FRMD4A: variants seen among roughly 807,000 people sequenced by gnomAD.
The protein encoded by FRMD4A is FERM domain-containing protein 4A.
Under a neutral mutation model 129.1 loss-of-function variants are expected in FRMD4A, and 29 were observed. That is an observed-to-expected ratio of 0.22 (90% CI 0.17 to 0.31). The LOEUF is 0.31. Ranked by LOEUF, FRMD4A falls within the 10% of genes least tolerant of loss-of-function variation. The probability of loss-of-function intolerance (pLI) is 1.00; values close to 1 mark genes in which losing one functional copy is unlikely to be tolerated. For missense variants in FRMD4A, 1,272 were observed against 1,375.8 expected, an observed-to-expected ratio of 0.92 and a Z score of 1.19; for synonymous variants, 634 against 571.6, an observed-to-expected ratio of 1.11 and a Z score of -1.56.
chr10:13,948,955 G>A (rs1032737434), intron 2 of FRMD4A, among the ~76,000 whole-genome samples: 5 of 152,036 alleles, frequency 3.3e-5, no homozygotes, highest in Non-Finnish European at 1.5e-5. Context: ...CAGCCGAGAG[G>A]ATTTTTAATA....
chr10:13,859,890 G>A (rs1271082816), intron 2 of FRMD4A, among the ~76,000 whole-genome samples: 4 of 152,178 alleles, frequency 2.6e-5, no homozygotes, highest in African/African-American at 4.8e-5. Context: ...CCCAAGTCTA[G>A]TGTTGGTCCT....
chr10:14,002,925 C>T (rs1192268024), intron 2 of FRMD4A, among the ~76,000 whole-genome samples: 3 of 152,102 alleles, frequency 2.0e-5, no homozygotes, highest in Non-Finnish European at 4.4e-5. Context: ...GCAAACATGT[C>T]CACGCATGGT....
At chr10:13,838,721 A>G (rs1483175765) in intron 3 of FRMD4A, among the ~76,000 whole-genome samples, 1 of 151,950 alleles carries the variant, frequency 6.6e-6, no homozygotes, top group Non-Finnish European at 1.5e-5. Context: ...TCAAACTTCT[A>G]ACCTCAAGTG....
intron 2 of FRMD4A, among the ~76,000 whole-genome samples, chr10:13,930,899 C>T (rs755820915): frequency 6.6e-6 from 1 of 152,074 alleles, no homozygotes; most frequent in Non-Finnish European, 1.5e-5. Context: ...GTGGTGCCAT[C>T]ACAGCTTACT....
At chr10:14,061,226 A>G (rs1834796643) in intron 2 of FRMD4A, among the ~76,000 whole-genome samples, 1 of 152,114 alleles carries the variant, frequency 6.6e-6, no homozygotes, top group African/African-American at 2.4e-5. Context: ...CGGGTGGACT[A>G]CCTGAGGTCA....
At chr10:14,187,757 TA>T (rs1373929856) in intron 2 of FRMD4A, among the ~76,000 whole-genome samples, 3 of 152,180 alleles carry the variant, frequency 2.0e-5, no homozygotes, top group Middle Eastern at 3.2e-3. Flanking sequence ...AGGAACTCAA[TA>T]AATACTTGGT....
chr10:13,662,757 C>A (rs2082730910), intron 19 of FRMD4A, among the ~76,000 whole-genome samples: 1 of 152,208 alleles, frequency 6.6e-6, no homozygotes, highest in Non-Finnish European at 1.5e-5. Context: ...TGGGAAGCAA[C>A]AGAGGGTGTG....
intron 2 of FRMD4A, among the ~76,000 whole-genome samples, chr10:13,988,616 A>G (rs993464337): frequency 2.0e-5 from 3 of 152,194 alleles, no homozygotes; most frequent in African/African-American, 7.2e-5. Flanking sequence ...ATGGATGGGT[A>G]CATGGATGGA....
At chr10:14,020,601 C>A (rs1391392266) in intron 2 of FRMD4A, among the ~76,000 whole-genome samples, 3 of 152,198 alleles carry the variant, frequency 2.0e-5, no homozygotes, top group Admixed American at 1.3e-4. Context: ...GCCTCTCAAA[C>A]CCCATGGGGC....
Position 14,298,760 on chromosome 10 carries a change from G to A in FRMD4A, c.45+31298C>T, listed in dbSNP as rs561886100. On this transcript the variant is annotated intron_variant, in intron 2 of 24. Coordinates refer to ENST00000357447, the MANE Select transcript of FRMD4A (RefSeq NM_018027.5). The stretch of plus-strand genomic sequence containing the variant: ...AGAAGACAGGGAAGAACAGGAGAAC[G>A]AAGGCCTCCCAAAGGGAAAGCACTG... Among the ~76,000 whole-genome samples, 5 of 152,262 alleles carry A rather than the reference G, an allele frequency of 3.3e-5. No homozygotes were observed. In the South Asian group the frequency reaches 6.2e-4, roughly 19 times the overall value.
chr10:14,035,889 A>T (rs920150518), intron 2 of FRMD4A, among the ~76,000 whole-genome samples: 2 of 152,134 alleles, frequency 1.3e-5, no homozygotes, highest in Non-Finnish European at 1.5e-5. Context: ...CCAAAATACA[A>T]AAATTAGCCA....
chr10:14,159,641 T>C (rs1481444053), intron 2 of FRMD4A, among the ~76,000 whole-genome samples: 1 of 152,114 alleles, frequency 6.6e-6, no homozygotes, highest in Non-Finnish European at 1.5e-5. Context: ...CTAAAGTTTA[T>C]ATGAAATCAC....
At chr10:13,917,436 T>C (rs2097895704) in intron 2 of FRMD4A, among the ~76,000 whole-genome samples, 1 of 152,022 alleles carries the variant, frequency 6.6e-6, no homozygotes, top group South Asian at 2.1e-4. Flanking sequence ...ATTATGGTCA[T>C]GCACCACCAT....
At chr10:13,851,788 C>A (rs527736088) in intron 3 of FRMD4A, among the ~76,000 whole-genome samples, 1 of 151,718 alleles carries the variant, frequency 6.6e-6, no homozygotes, top group African/African-American at 2.4e-5. Flanking sequence ...TAATCCCAGC[C>A]ACTCAGGAGG....
chr10:14,076,450 C>G (rs1277877022), intron 2 of FRMD4A, among the ~76,000 whole-genome samples: 1 of 152,078 alleles, frequency 6.6e-6, no homozygotes, highest in Non-Finnish European at 1.5e-5. Flanking sequence ...ACCATCCTGG[C>G]TAACACAGTG....
At chr10:14,173,692 C>G (rs1027964831) in intron 2 of FRMD4A, among the ~76,000 whole-genome samples, 2 of 152,166 alleles carry the variant, frequency 1.3e-5, no homozygotes, top group African/African-American at 4.8e-5. Context: ...TGCAAACGAA[C>G]AGCTCCGAGG....
intron 2 of FRMD4A, among the ~76,000 whole-genome samples, chr10:14,043,074 T>C (rs957405416): frequency 4.6e-5 from 7 of 152,042 alleles, no homozygotes; most frequent in Non-Finnish European, 7.4e-5. Flanking sequence ...AATGTTCAGA[T>C]CTTCCAGGTG....
chr10:13,840,618 G>A (rs556147701), intron 3 of FRMD4A, among the ~76,000 whole-genome samples: 10 of 149,270 alleles, frequency 6.7e-5, no homozygotes, highest in South Asian at 6.5e-4. Context: ...GTGAAACCCC[G>A]TCTCTACTAA....
chr10:13,770,049 T>C (rs2092412483), intron 6 of FRMD4A, among the ~76,000 whole-genome samples: 2 of 152,188 alleles, frequency 1.3e-5, no homozygotes, highest in Non-Finnish European at 2.9e-5. Flanking sequence ...TCCTATCGGT[T>C]CTGTCCCTCT....
Sources: allele counts gnomAD v4.1 joint callset (sites outside exome capture counted in the v4.1 genomes callset), GRCh38; gene constraint gnomAD v4.1.1; transcripts MANE v1.5; gene names NCBI Gene and HGNC (gene_info 2026-07-23, HGNC 2026-07-21).